PER3: variants seen among roughly 807,000 people sequenced by gnomAD.
The protein encoded by PER3 is period circadian protein homolog 3.
PER3 carries 107 observed loss-of-function variants against 127.2 expected under a neutral mutation model. The observed-to-expected ratio is 0.84, with a 90% CI of 0.72 to 0.99. The LOEUF is 0.99. Ranked by LOEUF, PER3 falls within the 50% of genes least tolerant of loss-of-function variation. The pLI is 0.00. For missense variants in PER3, 1,560 were observed against 1,525.8 expected (o/e 1.02, Z -0.37); for synonymous variants, 618 against 585.8 (o/e 1.05, Z -0.79).
In PER3 at chr1:7,835,800, T is replaced by C. The variant is rs754701955; in HGVS notation, c.3253T>C (p.Tyr1085His). 1 of 1,612,910 alleles carries C rather than the reference T, an allele frequency of 6.2e-7. No homozygotes were observed. Among genetic ancestry groups the C allele is most frequent in the East Asian group, 2.2e-5 (1 of 44,864 alleles). ...DSSIYLTSSV[Y>H]SSKISQNGQQ... The stretch of plus-strand genomic sequence containing the variant: ...CAGTATATACCTTACTAGTAGTGTT[T>C]ATTCTTCTAAAATCTCCCAAAATGG... Residue 1085 changes from tyrosine (Y) to histidine (H), a missense_variant, in exon 20 of 22, where the codon TAT (tyrosine) becomes CAT (histidine). Physicochemically the swap from Tyr to His is moderately conservative, Grantham distance 83. Transcript: ENST00000377532.
intron 6 of PER3, among the ~76,000 whole-genome samples, chr1:7,797,386 G>A (rs1381464530): frequency 6.6e-6 from 1 of 152,180 alleles, no homozygotes; most frequent in African/African-American, 2.4e-5. Flanking sequence ...TGTAATCCCA[G>A]TACTTTGGGA....
At chr1:7,791,330 T>C (rs779555264) in intron 5 of PER3, among the ~76,000 whole-genome samples, 23 of 152,360 alleles carry the variant, frequency 1.5e-4, no homozygotes, top group Middle Eastern at 3.4e-3. Context: ...TGCCAAGGAA[T>C]AGGGCTTGCA....
Position 7,798,608 on chromosome 1 carries a change from A to C in PER3, c.728A>C (p.Gln243Pro), listed in dbSNP as rs2150625194. The change falls in exon 7 of 22, where the codon CAG becomes CCG. Residue 243 changes from glutamine (Q) to proline (P), a missense_variant. Coordinates refer to ENST00000377532, the MANE Select transcript of PER3 (RefSeq NM_001377275.1). ...PYLIHVHHPA[Q>P]PELESEPCCL... Reference sequence around the variant, plus strand: ...CTGATTCATGTACATCACCCTGCCCAGCCAGAATTGGAATCGGAACCTTGC... The same window carrying C: ...CTGATTCATGTACATCACCCTGCCCCGCCAGAATTGGAATCGGAACCTTGC... 2.5e-6 allele frequency: 4 copies of C among 1,613,808 alleles called. 1 individual carries two copies. The South Asian group carries it at 4.4e-5, about 18-fold the overall frequency.
At chr1:7,830,202 A>G (rs751281849) in intron 19 of PER3, 41 bp downstream of exon 19, 13 of 1,541,966 alleles carry the variant, frequency 8.4e-6, no homozygotes, top group Non-Finnish European at 1.2e-5. Context: ...CTCCAATGCC[A>G]GACATTCACT....
intron 5 of PER3, among the ~76,000 whole-genome samples, chr1:7,789,950 G>A (rs1267474713): frequency 6.6e-6 from 1 of 151,896 alleles, no homozygotes; most frequent in Non-Finnish European, 1.5e-5. Context: ...GTCTGTATTT[G>A]TTTCTCTGCT....
chr1:7,785,454 CGAAACAGA>C lies in PER3; in HGVS notation c.144_151del (p.Asn49PhefsTer2). The C allele has an allele frequency of 6.2e-7, 1 of 1,611,848 alleles. No individual in the cohort carries two copies. ...TTTATCTTCCAGTGAACAGCAAGAT[CGAAACAGA>C]GTTTCTGAAGAACTTATCATGGTTG... On this transcript the variant is annotated frameshift_variant, in exon 3 of 22. Transcript: ENST00000377532. LOFTEE classifies it high-confidence loss of function.
At chr1:7,836,626 T>C (rs1396605941) in intron 20 of PER3, among the ~76,000 whole-genome samples, 1 of 152,246 alleles carries the variant, frequency 6.6e-6, no homozygotes, top group Non-Finnish European at 1.5e-5. Context: ...ATGTTACCTC[T>C]ATTCAGATCC....
chr1:7,828,210 G>T (rs1331454922), intron 18 of PER3, among the ~76,000 whole-genome samples: 3 of 152,218 alleles, frequency 2.0e-5, no homozygotes, highest in African/African-American at 7.2e-5. Context: ...AAGCCATATT[G>T]ACAATTTAAC....
Position 7,827,426 on chromosome 1 carries a change from C to CA in PER3, c.2498dup (p.His833GlnfsTer30), listed in dbSNP as rs1241661019. 6.2e-7 allele frequency: 1 copy of CA among 1,614,082 alleles called. No individual in the cohort carries two copies. On this transcript the variant is annotated frameshift_variant, in exon 18 of 22. Coordinates refer to ENST00000377532, the MANE Select transcript of PER3 (RefSeq NM_001377275.1). LOFTEE classifies it high-confidence loss of function. ...CCCCGGAACTGCACCGGAAGGCCTG[C>CA]ATGGGCTGCCCTTGTCCGAGGGCTT...
chr1:7,836,219 G>A (rs1003307737), intron 20 of PER3, among the ~76,000 whole-genome samples: 1 of 151,540 alleles, frequency 6.6e-6, no homozygotes, highest in Non-Finnish European at 1.5e-5. Context: ...TCACTCTGTC[G>A]CCCAGGCTGG....
In PER3 at chr1:7,803,104, C is replaced by T; in HGVS notation, c.930C>T (p.Ser310=). The change falls in exon 9 of 22, where the codon AGC becomes AGT. Residue 310 remains serine, a synonymous_variant. Coordinates refer to ENST00000377532, the MANE Select transcript of PER3 (RefSeq NM_001377275.1). ...PQDLIGTSIL[S]YLHPEDRSLM... ...ACCTGATTGGAACATCGATCCTAAG[C>T]TACCTGCACCCTGAAGATCGTTCTC... 2 of 1,613,698 alleles carry T rather than the reference C, an allele frequency of 1.2e-6. No homozygotes were observed. The highest frequency in any genetic ancestry group is 1.7e-6 in the Non-Finnish European group (2 of 1,179,638).
chr1:7,794,417 T>C (rs2097135842), intron 6 of PER3, among the ~76,000 whole-genome samples: 3 of 152,066 alleles, frequency 2.0e-5, no homozygotes, highest in African/African-American at 7.2e-5. Context: ...AGCTTGAACC[T>C]GGGAGGTGGA....
chr1:7,842,684 T>A lies in PER3; in HGVS notation c.3562T>A (p.Cys1188Ser), dbSNP rs372937813. ...TTCTTTTTTGGAGGCCTGTGTCACT[T>A]GTGAAAATGAAGATTCAGCTGATGG... Reference protein sequence around the residue: ...QEIDIQACVTCENEDSADGAA... With the variant: ...QEIDIQACVTSENEDSADGAA... Residue 1188 changes from cysteine (C) to serine (S), a missense_variant, in exon 22 of 22, where the codon TGT becomes AGT. Transcript: ENST00000377532. The A allele has an allele frequency of 1.9e-4, 304 of 1,613,222 alleles. No individual in the cohort carries two copies. The highest frequency in any genetic ancestry group is 2.5e-4 in the Non-Finnish European group (297 of 1,179,448).
chr1:7,841,397 G>T (rs1195524580), intron 21 of PER3, among the ~76,000 whole-genome samples: 1 of 151,320 alleles, frequency 6.6e-6, no homozygotes, highest in East Asian at 1.9e-4. Context: ...TTTTATGATT[G>T]TTGGAAGACG....
At position 7,843,559 on chromosome 1, in the gene PER3, C is replaced by T. The variant is rs1425692460; in HGVS notation, c.*804C>T. ...AAAATAATGATTGTAAAATGTTTTA[C>T]AAGTAATGTAAAAGCTAGTATCATT... On this transcript the variant is annotated 3_prime_UTR_variant, in exon 22 of 22. Coordinates refer to ENST00000377532, the MANE Select transcript of PER3 (RefSeq NM_001377275.1). 1 of 152,452 alleles carries T rather than the reference C, an allele frequency of 6.6e-6. No homozygotes were observed. The highest frequency in any genetic ancestry group is 1.5e-5 in the Non-Finnish European group (1 of 68,146). The allele number at this position is 152,452 out of a possible 1,614,324, so 9.4% of individuals were successfully genotyped here.
In PER3 at chr1:7,810,586, G is replaced by GTGGT; in HGVS notation, c.1521_1522+2dup. On this transcript the variant is annotated frameshift_variant and splice_region_variant, in exon 13 of 22. Coordinates refer to ENST00000377532, the MANE Select transcript of PER3 (RefSeq NM_001377275.1). LOFTEE classifies it high-confidence loss of function. ...GGTGGTGGTGAGTCAGCGAATGGTG[G>GTGGT]TGGTGAGTCAGCCGGCAGCCCCAAG... 2 of 1,607,254 alleles carry GTGGT rather than the reference G, an allele frequency of 1.2e-6. No homozygotes were observed. The highest frequency in any genetic ancestry group is 1.7e-6 in the Non-Finnish European group (2 of 1,177,624).
rs1463041998 is a variant in PER3 at position 7,843,936 on chromosome 1, A to G, written c.*1181A>G. The G allele has an allele frequency of 1.6e-6, 2 of 1,284,902 alleles. No homozygotes were observed. Among genetic ancestry groups the G allele is most frequent in the South Asian group, 1.3e-5 (1 of 77,046 alleles). 79.6% of individuals were successfully genotyped at this position (1,284,902 alleles called of 1,614,324 possible). On this transcript the variant is annotated 3_prime_UTR_variant, in exon 22 of 22. Transcript: ENST00000377532. Reference sequence around the variant, plus strand: ...TTCCTTCTTAAACTTGGAATGATAGATGAAATTCACACCCCTGCAGATCAG... The same window carrying G: ...TTCCTTCTTAAACTTGGAATGATAGGTGAAATTCACACCCCTGCAGATCAG...
intron 5 of PER3, among the ~76,000 whole-genome samples, chr1:7,792,958 T>G (rs2097128698): frequency 6.6e-6 from 1 of 152,234 alleles, no homozygotes; most frequent in Non-Finnish European, 1.5e-5. Flanking sequence ...ATAAGCAAAC[T>G]GACCTCACAG....
intron 19 of PER3, among the ~76,000 whole-genome samples, chr1:7,830,896 G>A (rs228665): frequency 3.9e-5 from 6 of 151,996 alleles, no homozygotes; most frequent in African/African-American, 1.2e-4. Context: ...GTCTTGAAGC[G>A]TGGTGAAGTA....
Sources: allele counts gnomAD v4.1 joint callset (sites outside exome capture counted in the v4.1 genomes callset), GRCh38; gene constraint gnomAD v4.1.1; transcripts MANE v1.5; gene names NCBI Gene and HGNC (gene_info 2026-07-23, HGNC 2026-07-21).